Variants in KIAA0825 observed in about 807,000 individuals in gnomAD.
The protein encoded by KIAA0825 is KIAA0825.
Under a neutral mutation model 147.6 loss-of-function variants are expected in KIAA0825, and 119 were observed. The observed-to-expected ratio is 0.81, with a 90% CI of 0.69 to 0.94. The LOEUF (loss-of-function observed/expected upper bound fraction) is 0.94, where lower values mean the gene tolerates loss of function less well. Among genes scored for constraint, KIAA0825 ranks in the 40% least tolerant of loss-of-function variants. KIAA0825 has a pLI of 0.00. For missense variants in KIAA0825, 1,381 were observed against 1,472.7 expected (o/e 0.94, Z 1.02); for synonymous variants, 470 against 518.1 (o/e 0.91, Z 1.26).
At chr5:94,404,114 A>G (rs930038433) in intron 15 of KIAA0825, among the ~76,000 whole-genome samples, 54 of 152,154 alleles carry the variant, frequency 3.5e-4, no homozygotes, top group African/African-American at 1.3e-3. Context: ...TCAACATTTT[A>G]CTTATCAGTT....
intron 2 of KIAA0825, among the ~76,000 whole-genome samples, chr5:94,554,011 AG>A (rs1201484112): frequency 2.0e-5 from 3 of 152,152 alleles, no homozygotes; most frequent in Non-Finnish European, 4.4e-5. Context: ...TCCCTTCCCT[AG>A]GCACACAACA....
In KIAA0825 at chr5:94,470,020, TA is replaced by T; in HGVS notation, c.1812del (p.Thr605GlnfsTer50). ...CTCTCAGCATCCTGTAAAATGCTTG[TA>T]GCACAAACTCTGACGCAGTAGTTCG... ...QVTNYCVRVCATSILQDAESH... is the reference protein window; with the variant it reads ...QVTNYCVRVCXTSILQDAESH... On this transcript the variant is annotated frameshift_variant, in exon 10 of 21. Transcript: ENST00000682413. LOFTEE classifies it high-confidence loss of function. 6.4e-7 allele frequency: 1 copy of T among 1,551,806 alleles called. No individual in the cohort carries two copies. Among genetic ancestry groups the T allele is most frequent in the African/African-American group, 1.4e-5 (1 of 73,168 alleles).
intron 20 of KIAA0825, among the ~76,000 whole-genome samples, chr5:94,260,107 T>C (rs1262214893): frequency 6.6e-6 from 1 of 152,140 alleles, no homozygotes; most frequent in African/African-American, 2.4e-5. Context: ...GTTAGAATGG[T>C]AGTAATATAT....
chr5:94,280,045 C>T (rs774592699), intron 20 of KIAA0825, among the ~76,000 whole-genome samples: 6 of 152,148 alleles, frequency 3.9e-5, no homozygotes, highest in African/African-American at 9.6e-5. Context: ...CAGCCACACT[C>T]GGTGGCCTGG....
chr5:94,565,774 T>C (rs928839638), intron 2 of KIAA0825, among the ~76,000 whole-genome samples: 1 of 152,242 alleles, frequency 6.6e-6, no homozygotes, highest in African/African-American at 2.4e-5. Flanking sequence ...TAAATTATAA[T>C]TGAATATATT....
intron 2 of KIAA0825, among the ~76,000 whole-genome samples, chr5:94,539,293 T>C (rs990111927): frequency 1.3e-5 from 2 of 152,192 alleles, no homozygotes; most frequent in African/African-American, 2.4e-5. Context: ...CAGCAGCCCA[T>C]GGGGCTGCTC....
intron 1 of KIAA0825, among the ~76,000 whole-genome samples, chr5:94,583,965 C>A (rs1234947470): frequency 2.0e-5 from 3 of 152,186 alleles, no homozygotes; most frequent in African/African-American, 7.2e-5. Flanking sequence ...AGAAGGAAAA[C>A]TAACAAACAG....
chr5:94,453,177 T>A (rs892147343), intron 12 of KIAA0825, 108 bp from the exon 13 acceptor site: 1 of 659,490 alleles, frequency 1.5e-6, no homozygotes, highest in Non-Finnish European at 2.6e-6. Context: ...TTTTTTTGTT[T>A]GTTTCTTTGT....
chr5:94,171,990 CT>C, intron 20 of KIAA0825, among the ~76,000 whole-genome samples: 1 of 152,184 alleles, frequency 6.6e-6, no homozygotes, highest in South Asian at 2.1e-4. Context: ...CATTGAATGT[CT>C]CATTAGGATT....
At chr5:94,608,710 A>G (rs1383708210) in intron 1 of KIAA0825, among the ~76,000 whole-genome samples, 1 of 150,034 alleles carries the variant, frequency 6.7e-6, no homozygotes, top group African/African-American at 2.5e-5. Context: ...TTGGGCTGTA[A>G]CTTCAATGAA....
chr5:94,439,703 C>G (rs141111982), intron 14 of KIAA0825, among the ~76,000 whole-genome samples: 280 of 152,240 alleles, frequency 1.8e-3, no homozygotes, highest in African/African-American at 6.2e-3. Flanking sequence ...TTAGGCATTT[C>G]AAACCCTGCG....
At chr5:94,527,236 G>A (rs192059146) in intron 3 of KIAA0825, among the ~76,000 whole-genome samples, 2 of 152,036 alleles carry the variant, frequency 1.3e-5, no homozygotes, top group African/African-American at 4.8e-5. Context: ...TGGACAGACT[G>A]CATTAAATAA....
intron 1 of KIAA0825, among the ~76,000 whole-genome samples, chr5:94,585,599 T>C (rs1012601409): frequency 6.6e-6 from 1 of 152,142 alleles, no homozygotes; most frequent in African/African-American, 2.4e-5. Context: ...TGGGAGACTT[T>C]AACACCCTGC....
intron 20 of KIAA0825, among the ~76,000 whole-genome samples, chr5:94,188,554 C>A (rs1770369001): frequency 6.6e-6 from 1 of 151,944 alleles, no homozygotes. Flanking sequence ...GTCTTTGGTC[C>A]TTTCACTTAG....
chr5:94,266,978 G>A (rs1025403388), intron 20 of KIAA0825, among the ~76,000 whole-genome samples: 2 of 152,086 alleles, frequency 1.3e-5, no homozygotes, highest in Non-Finnish European at 2.9e-5. Flanking sequence ...TAAATATCTG[G>A]TAAGTTAATG....
intron 20 of KIAA0825, among the ~76,000 whole-genome samples, chr5:94,208,939 A>G (rs752273318): frequency 1.3e-5 from 2 of 152,172 alleles, no homozygotes; most frequent in Non-Finnish European, 2.9e-5. Flanking sequence ...TTAAAATTCT[A>G]GTTCTCAGGC....
chr5:94,368,292 C>T (rs1346685594), intron 20 of KIAA0825, among the ~76,000 whole-genome samples: 4 of 152,178 alleles, frequency 2.6e-5, no homozygotes, highest in Admixed American at 1.3e-4. Flanking sequence ...GCCACCTCAG[C>T]CCCCGGAGTA....
chr5:94,347,264 G>A (rs1046193607), intron 20 of KIAA0825, among the ~76,000 whole-genome samples: 3 of 152,186 alleles, frequency 2.0e-5, no homozygotes, highest in African/African-American at 4.8e-5. Context: ...GAGTTCTAGG[G>A]CTCCGCCCAC....
intron 20 of KIAA0825, among the ~76,000 whole-genome samples, chr5:94,203,096 A>C (rs1279235840): frequency 6.6e-6 from 1 of 152,200 alleles, no homozygotes; most frequent in African/African-American, 2.4e-5. Flanking sequence ...GAACTACAGA[A>C]ACTTAGAGAA....
Sources: allele counts gnomAD v4.1 joint callset (sites outside exome capture counted in the v4.1 genomes callset), GRCh38; gene constraint gnomAD v4.1.1; transcripts MANE v1.5; gene names NCBI Gene and HGNC (gene_info 2026-07-23, HGNC 2026-07-21).